The following PDE8B variants were observed in gnomAD, a reference collection of about 807,000 sequenced individuals.
PDE8B encodes the protein high affinity cAMP-specific and IBMX-insensitive 3',5'-cyclic phosphodiesterase 8B.
A neutral mutation model predicts 101.3 loss-of-function variants in PDE8B; 26 were observed. The ratio of observed to expected loss-of-function variants is 0.26; its 90% confidence interval spans 0.19 to 0.36. The LOEUF is 0.36. Among genes scored for constraint, PDE8B ranks in the 10% least tolerant of loss-of-function variants. PDE8B has a pLI of 1.00. For missense variants in PDE8B, 810 were observed against 1,163.1 expected, an observed-to-expected ratio of 0.70 and a Z score of 4.42; for synonymous variants, 424 against 429.3, an observed-to-expected ratio of 0.99 and a Z score of 0.15.
the PDE8B span, among the ~76,000 whole-genome samples, chr5:77,117,268 G>C: frequency 2.0e-5 from 3 of 152,112 alleles, no homozygotes; most frequent in Admixed American, 6.6e-5. Context: ...AAACAGAAAG[G>C]CTTCCTTTCA....
At chr5:77,421,410 A>G (rs1265046846) in intron 19 of PDE8B, among the ~76,000 whole-genome samples, 1 of 152,216 alleles carries the variant, frequency 6.6e-6, no homozygotes, top group Admixed American at 6.5e-5. Context: ...CCTGAAATGC[A>G]TTAAAGTAGC....
chr5:77,324,650 C>A (rs921121950), intron 2 of PDE8B, among the ~76,000 whole-genome samples: 1 of 152,196 alleles, frequency 6.6e-6, no homozygotes, highest in African/African-American at 2.4e-5. Context: ...CATGATCATT[C>A]TTTCCAGATT....
chr5:77,326,049 C>T (rs1390914856), intron 3 of PDE8B, among the ~76,000 whole-genome samples: 1 of 152,180 alleles, frequency 6.6e-6, no homozygotes, highest in East Asian at 1.9e-4. Context: ...TACACAGATA[C>T]GGTTTGGATT....
chr5:77,158,853 T>C, the PDE8B span, among the ~76,000 whole-genome samples: 1 of 152,098 alleles, frequency 6.6e-6, no homozygotes, highest in East Asian at 1.9e-4. Flanking sequence ...TTGGGGATAA[T>C]AGAATGACAA....
chr5:77,101,418 G>T, the PDE8B span, among the ~76,000 whole-genome samples: 2 of 152,146 alleles, frequency 1.3e-5, no homozygotes, highest in East Asian at 3.9e-4. Flanking sequence ...GTGTTGGCTG[G>T]CACTACTCAG....
the PDE8B span, chr5:77,148,607 A>T: frequency 6.6e-6 from 1 of 152,142 alleles, no homozygotes; most frequent in Admixed American, 6.5e-5. Context: ...CGTGGTTTTA[A>T]TTTGTGTCTC....
chr5:77,388,096 C>A (rs1221525928), intron 10 of PDE8B, among the ~76,000 whole-genome samples: 1 of 152,104 alleles, frequency 6.6e-6, no homozygotes, highest in African/African-American at 2.4e-5. Flanking sequence ...CAAACTCATT[C>A]TCTGTCCAGT....
intron 2 of PDE8B, among the ~76,000 whole-genome samples, chr5:77,321,763 A>G (rs1311654522): frequency 6.6e-6 from 1 of 152,220 alleles, no homozygotes; most frequent in African/African-American, 2.4e-5. Flanking sequence ...AATTTTTTAT[A>G]AATAGGAAAA....
the PDE8B span, among the ~76,000 whole-genome samples, chr5:77,117,814 C>T: frequency 6.6e-6 from 1 of 152,020 alleles, no homozygotes. Context: ...TGCATCCATT[C>T]GTTTATACAT....
At chr5:77,154,978 C>T in the PDE8B span, among the ~76,000 whole-genome samples, 6 of 152,070 alleles carry the variant, frequency 3.9e-5, no homozygotes, top group African/African-American at 1.2e-4. Context: ...TAAGTGTCTG[C>T]GCAAGTGTGA....
At position 77,425,620 on chromosome 5, in the gene PDE8B, G is replaced by A. The variant is rs114796351; in HGVS notation, c.2419-147G>A. The A allele has an allele frequency of 1.8e-3, 1,381 of 780,532 alleles. 2 individuals carry two copies. The highest frequency in any genetic ancestry group is 2.4e-3 in the Non-Finnish European group (1,071 of 449,318). The allele number at this position is 780,532 out of a possible 1,614,324, so 48.4% of individuals were successfully genotyped here. On this transcript the variant is annotated intron_variant, in intron 20 of 21. Coordinates refer to ENST00000264917, the MANE Select transcript of PDE8B (RefSeq NM_003719.5). ...AGTCAGTGTAGCTCAGCTGACTTAC[G>A]TAAGTCTGAGGACCTTGCTGAGCCT...
the PDE8B span, among the ~76,000 whole-genome samples, chr5:77,108,851 A>G: frequency 1.3e-5 from 2 of 152,052 alleles, no homozygotes; most frequent in Non-Finnish European, 2.9e-5. Context: ...TTTTTTGGTT[A>G]TTGTTATGAT....
At chr5:77,416,850 T>C (rs1415050687) in intron 17 of PDE8B, among the ~76,000 whole-genome samples, 2 of 152,154 alleles carry the variant, frequency 1.3e-5, no homozygotes, top group African/African-American at 4.8e-5. Context: ...CCAAAAATGA[T>C]GACCTCCCCA....
intron 1 of PDE8B, among the ~76,000 whole-genome samples, chr5:77,265,591 A>G (rs1428828439): frequency 1.3e-5 from 2 of 152,212 alleles, no homozygotes; most frequent in African/African-American, 4.8e-5. Flanking sequence ...CATAAAAGAT[A>G]ACTATCTTTT....
chr5:77,246,021 T>G (rs1038074544), intron 1 of PDE8B, among the ~76,000 whole-genome samples: 6 of 151,852 alleles, frequency 4.0e-5, no homozygotes, highest in African/African-American at 1.2e-4. Context: ...CAGCTAACTT[T>G]TTACATTTTT....
intron 1 of PDE8B, among the ~76,000 whole-genome samples, chr5:77,245,040 A>G (rs1231068331): frequency 3.3e-5 from 5 of 152,250 alleles, no homozygotes; most frequent in Non-Finnish European, 7.3e-5. Context: ...AAAATACTGT[A>G]TCTTAAGGGA....
At chr5:77,237,725 A>G (rs2149523340) in intron 1 of PDE8B, among the ~76,000 whole-genome samples, 1 of 152,320 alleles carries the variant, frequency 6.6e-6, no homozygotes, top group South Asian at 2.1e-4. Flanking sequence ...TTCTCCTAGT[A>G]TCAATTTCCT....
chr5:77,412,021 CTA>C, intron 15 of PDE8B, 77 bp from the exon 16 acceptor site: 1 of 1,433,824 alleles, frequency 7.0e-7, no homozygotes, highest in Non-Finnish European at 9.8e-7. Context: ...CTAGTAGTAA[CTA>C]TGAAGATGAT....
chr5:77,361,925 A>C (rs1425243359), intron 10 of PDE8B, among the ~76,000 whole-genome samples: 2 of 152,226 alleles, frequency 1.3e-5, no homozygotes, highest in African/African-American at 4.8e-5. Flanking sequence ...GGTCAAAAAA[A>C]CCAGCAAAAG....
Sources: allele counts gnomAD v4.1 joint callset (sites outside exome capture counted in the v4.1 genomes callset), GRCh38; gene constraint gnomAD v4.1.1; transcripts MANE v1.5; gene names NCBI Gene and HGNC (gene_info 2026-07-23, HGNC 2026-07-21).